PRR14L: variants seen among roughly 807,000 people sequenced by gnomAD.
PRR14L encodes the protein protein PRR14L.
Under a neutral mutation model 155.0 loss-of-function variants are expected in PRR14L, and 80 were observed. The ratio of observed to expected loss-of-function variants is 0.52; its 90% CI spans 0.43 to 0.62. The LOEUF (loss-of-function observed/expected upper bound fraction) is 0.62, where lower values mean the gene tolerates loss of function less well. PRR14L is among the 20% of genes least tolerant of loss of function. The pLI is 0.00. For synonymous variants in PRR14L, 883 were observed against 916.0 expected (o/e 0.96, Z 0.65); for missense variants, 2,469 against 2,548.0 (o/e 0.97, Z 0.67).
rs374771045 is a variant in PRR14L at position 31,716,315 on chromosome 22, T to G, written c.1524A>C (p.Glu508Asp). The G allele has an allele frequency of 1.9e-5, 29 of 1,551,586 alleles. No individual in the cohort carries two copies. Among genetic ancestry groups the G allele is most frequent in the Non-Finnish European group, 2.3e-5 (26 of 1,146,998 alleles). Residue 508 changes from glutamate (E) to aspartate (D), a missense_variant, in exon 4 of 9, where the codon GAA (glutamate) becomes GAC (aspartate). Around this residue, in one of 2 missense-constraint regions of PRR14L, gnomAD observed 2,363 missense variants for 2,371.6 expected, o/e 1.00. Transcript: ENST00000327423. ...TNMSHPGGHS[E>D]ESSFSSLMQI... The stretch of plus-strand genomic sequence containing the variant: ...GCATCAAGGAGGAAAAACTGCTTTC[T>G]TCAGAGTGTCCACCAGGATGGCTCA...
chr22:31,711,706 C>A (rs1255087507), intron 4 of PRR14L, among the ~76,000 whole-genome samples: 2 of 149,194 alleles, frequency 1.3e-5, no homozygotes, highest in Non-Finnish European at 1.5e-5. Context: ...ATCGCTTGAA[C>A]CCGGGAGGCG....
chr22:31,710,887 T>C (rs1428853002), intron 4 of PRR14L, among the ~76,000 whole-genome samples: 2 of 152,222 alleles, frequency 1.3e-5, no homozygotes, highest in Non-Finnish European at 2.9e-5. Context: ...CAAGAACTCC[T>C]TCCCAGTTCA....
In PRR14L at chr22:31,715,562, G is replaced by A; in HGVS notation, c.2277C>T (p.Arg759=). The change falls in exon 4 of 9, where the codon CGC becomes CGT. Residue 759 remains arginine, a synonymous_variant. Coordinates refer to ENST00000327423, the MANE Select transcript of PRR14L (RefSeq NM_173566.3). ...SGTKALHSRL[R]SNKREAAGFP... Reference sequence around the variant, plus strand: ...AGCCAGCTGCTTCTCTCTTATTTGAGCGCAGCCTGGAATGTAGAGCTTTTG... The same window carrying A: ...AGCCAGCTGCTTCTCTCTTATTTGAACGCAGCCTGGAATGTAGAGCTTTTG... 6.4e-7 allele frequency: 1 copy of A among 1,552,040 alleles called. No individual in the cohort carries two copies. Among genetic ancestry groups the A allele is most frequent in the Non-Finnish European group, 8.7e-7 (1 of 1,147,062 alleles).
chr22:31,731,266 T>C (rs2074747642), intron 2 of PRR14L, among the ~76,000 whole-genome samples: 1 of 152,080 alleles, frequency 6.6e-6, no homozygotes, highest in African/African-American at 2.4e-5. Flanking sequence ...TGTGTATATA[T>C]TAAGAACCCC....
rs532670344 is a variant in PRR14L, at chr22:31,716,211, G to A, written c.1628C>T (p.Ser543Phe). The change falls in exon 4 of 9, where the codon TCC becomes TTC. Residue 543 changes from serine (S) to phenylalanine (F), a missense_variant. Around this residue, in one of 2 missense-constraint regions of PRR14L, gnomAD observed 2,363 missense variants for 2,371.6 expected, o/e 1.00. Transcript: ENST00000327423. ...SKSFYTKDCN[S>F]LVSIQRNLEG... ...CAGATTTCTCTGGATGCTGACTAAG[G>A]AGTTACAGTCTTTAGTGTAAAAAGA... 6.4e-7 allele frequency: 1 copy of A among 1,551,424 alleles called. No individual in the cohort carries two copies. Among genetic ancestry groups the A allele is most frequent in the Non-Finnish European group, 8.7e-7 (1 of 1,146,912 alleles).
At chr22:31,687,605 G>GC (rs1406964630) in intron 8 of PRR14L, among the ~76,000 whole-genome samples, 1 of 151,246 alleles carries the variant, frequency 6.6e-6, no homozygotes, top group Non-Finnish European at 1.5e-5. Context: ...ACCCGCCTTG[G>GC]CCCCCCAAAG....
intron 3 of PRR14L, among the ~76,000 whole-genome samples, chr22:31,723,123 G>T (rs2074699731): frequency 6.6e-6 from 1 of 152,118 alleles, no homozygotes; most frequent in Non-Finnish European, 1.5e-5. Flanking sequence ...GGGACAGAAT[G>T]AACTAGGCCA....
intron 7 of PRR14L, among the ~76,000 whole-genome samples, chr22:31,698,649 G>A (rs1265026830): frequency 3.9e-5 from 6 of 152,080 alleles, no homozygotes; most frequent in Non-Finnish European, 8.8e-5. Flanking sequence ...GGCTGGGCAC[G>A]GTGGGTCACG....
At chr22:31,726,516 C>G (rs1298271003) in intron 2 of PRR14L, among the ~76,000 whole-genome samples, 1 of 152,148 alleles carries the variant, frequency 6.6e-6, no homozygotes, top group Non-Finnish European at 1.5e-5. Context: ...ATCTGCCTAC[C>G]TCAGCCTTCC....
At chr22:31,691,737 G>A (rs945618881) in intron 7 of PRR14L, among the ~76,000 whole-genome samples, 4 of 152,108 alleles carry the variant, frequency 2.6e-5, no homozygotes, top group African/African-American at 4.8e-5. Flanking sequence ...TGAATAATAC[G>A]CCATCTATGG....
At position 31,738,469 on chromosome 22, in the gene PRR14L, A is replaced by T. The variant is rs1399136705; in HGVS notation, c.392T>A (p.Ile131Asn). The change falls in exon 2 of 9, where the codon ATT becomes AAT. Residue 131 changes from isoleucine to asparagine, a missense_variant. Coordinates refer to ENST00000327423, the MANE Select transcript of PRR14L (RefSeq NM_173566.3). ...VFRDPGGQAG[I>N]IREPSEGAKE... is the part of the protein sequence containing the mutation. ...TGCTCCCTCAGAGGGTTCTCTTATAATTCCTGCCTGGCCCCCTGGATCTCT... is the reference window on the plus strand; with the variant it reads ...TGCTCCCTCAGAGGGTTCTCTTATATTTCCTGCCTGGCCCCCTGGATCTCT... 2 of 1,552,130 alleles carry T rather than the reference A, an allele frequency of 1.3e-6. No homozygotes were observed. Among genetic ancestry groups the T allele is most frequent in the Admixed American group, 3.9e-5 (2 of 50,974 alleles).
At position 31,712,646 on chromosome 22, in the gene PRR14L, C is replaced by T. The variant is rs746485243; in HGVS notation, c.5193G>A (p.Thr1731=). 24 of 1,551,620 alleles carry T rather than the reference C, an allele frequency of 1.5e-5. No homozygotes were observed. The highest frequency in any genetic ancestry group is 1.7e-4 in the Middle Eastern group (1 of 6,014). Residue 1731 remains threonine (T), a synonymous_variant, in exon 4 of 9, where the codon ACG becomes ACA. Coordinates refer to ENST00000327423, the MANE Select transcript of PRR14L (RefSeq NM_173566.3). ...CAGGAAAAGTCCTTGAGGACTCAGT[C>T]GTGCAATCTGAGCTGGATGATTTCA... ...FHVKSSSSDC[T]TESSRTFPEH...
At position 31,690,042 on chromosome 22, in the gene PRR14L, G is replaced by A. The variant is rs913180444; in HGVS notation, c.6108-1815C>T. On this transcript the variant is annotated intron_variant, in intron 7 of 8. Transcript: ENST00000327423. ...AGCGATTCTCCTGCCTCAGCCTCCC[G>A]AGTAGCTGGGACTACGGGTGCGTGT... is the stretch of plus-strand genomic sequence containing the variant. Among the ~76,000 whole-genome samples the A allele has an allele frequency of 7.9e-5, 12 of 152,146 alleles. No individual in the cohort carries two copies. In the South Asian group the frequency reaches 8.3e-4, roughly 11 times the overall value.
In PRR14L at chr22:31,714,469, C is replaced by A; in HGVS notation, c.3370G>T (p.Asp1124Tyr). The change falls in exon 4 of 9, where the codon GAC becomes TAC. Residue 1124 changes from aspartate to tyrosine, a missense_variant. This residue lies in a region of PRR14L where 2,363 missense variants were observed against 2,371.6 expected (regional missense o/e 1.00). Coordinates refer to ENST00000327423, the MANE Select transcript of PRR14L (RefSeq NM_173566.3). ...DFPVTAASTV[D>Y]FLKIKKSCEE... ...CATGATTTTTTTATTTTGAGAAAGT[C>A]CACTGTAGAAGCAGCAGTAACTGGG... 1 of 1,551,988 alleles carries A rather than the reference C, an allele frequency of 6.4e-7. No individual in the cohort carries two copies. The highest frequency in any genetic ancestry group is 8.7e-7 in the Non-Finnish European group (1 of 1,147,048).
intron 3 of PRR14L, among the ~76,000 whole-genome samples, chr22:31,719,768 G>A (rs904878747): frequency 6.7e-6 from 1 of 149,760 alleles, no homozygotes; most frequent in Non-Finnish European, 1.5e-5. Flanking sequence ...ACAGGGTCTC[G>A]CTTTGTTGCC....
In PRR14L at chr22:31,685,480, C is replaced by G. The variant is rs760356363; in HGVS notation, c.*47G>C. On this transcript the variant is annotated 3_prime_UTR_variant, in exon 9 of 9. Transcript: ENST00000327423. ...AAAAAAAAAAAACCCAAAAACAAAA[C>G]AAAACAAAAAAACCCTAAAATTGAG... 15 of 1,314,976 alleles carry G rather than the reference C, an allele frequency of 1.1e-5. No individual in the cohort carries two copies. In the East Asian group the frequency reaches 4.0e-4, roughly 35 times the overall value. The allele number at this position is 1,314,976 out of a possible 1,614,324, so 81.5% of individuals were successfully genotyped here. A position where few individuals can be genotyped will look rare whatever the true frequency, so the allele number is the denominator to read the frequency against.
At chr22:31,735,504 G>C (rs1246343709) in intron 2 of PRR14L, among the ~76,000 whole-genome samples, 1 of 151,694 alleles carries the variant, frequency 6.6e-6, no homozygotes, top group African/African-American at 2.4e-5. Flanking sequence ...ATGTAAGCAT[G>C]TGTATGTATA....
chr22:31,711,484 T>C (rs1444533232), intron 4 of PRR14L, among the ~76,000 whole-genome samples: 5 of 149,288 alleles, frequency 3.3e-5, no homozygotes, highest in South Asian at 4.2e-4. Flanking sequence ...AATAAATAAA[T>C]AAACAAATAA....
In PRR14L at chr22:31,715,668, C is replaced by A. The variant is rs1331520408; in HGVS notation, c.2171G>T (p.Cys724Phe). The A allele has an allele frequency of 6.4e-7, 1 of 1,552,148 alleles. No homozygotes were observed. Among genetic ancestry groups the A allele is most frequent in the African/African-American group, 1.4e-5 (1 of 73,066 alleles). ...GGTGGGACAGTTTGAAGAGGCACCA[C>A]AGGTTTGGTTACCTGGTGGAGAGAT... ...KDISPPGNQT[C>F]GASSNCPTLN... The change falls in exon 4 of 9, where the codon TGT becomes TTT. Residue 724 changes from cysteine (C) to phenylalanine (F), a missense_variant. By Grantham distance (205) the Cys-to-Phe change is radical. Around this residue, in one of 2 missense-constraint regions of PRR14L, gnomAD observed 2,363 missense variants for 2,371.6 expected, o/e 1.00. Coordinates refer to ENST00000327423, the MANE Select transcript of PRR14L (RefSeq NM_173566.3).
Sources: gnomAD v4.1 joint callset for allele counts (sites outside exome capture counted in the v4.1 genomes callset) on GRCh38, gnomAD v4.1.1 for gene constraint, gnomAD v4.1.1 regional missense constraint, MANE v1.5 for transcripts, NCBI Gene and HGNC (gene_info 2026-07-23, HGNC 2026-07-21) for gene names.